Variants in NR6A1 observed in about 807,000 individuals in gnomAD.
NR6A1 encodes retinoic acid receptor-related testis-associated receptor.
A neutral mutation model predicts 59.1 loss-of-function variants in NR6A1; 7 were observed. The ratio of observed to expected loss-of-function variants is 0.12; its 90% CI spans 0.07 to 0.22. NR6A1 has a LOEUF of 0.22. Ranked by LOEUF, NR6A1 falls within the 10% of genes least tolerant of loss-of-function variation. The pLI, the probability that NR6A1 is intolerant of heterozygous loss-of-function variation, is 1.00. For synonymous variants in NR6A1, 243 were observed against 236.1 expected (o/e 1.03, Z -0.27); for missense variants, 468 against 611.6 (o/e 0.77, Z 2.48).
chr9:124,696,840 T>A (rs1178095696), intron 2 of NR6A1, among the ~76,000 whole-genome samples: 1 of 152,104 alleles, frequency 6.6e-6, no homozygotes, highest in Non-Finnish European at 1.5e-5. Flanking sequence ...GTATTTTTAG[T>A]AGAGACAGGA....
At chr9:124,651,561 G>GT (rs1411059320) in intron 2 of NR6A1, among the ~76,000 whole-genome samples, 2 of 152,182 alleles carry the variant, frequency 1.3e-5, no homozygotes, top group Non-Finnish European at 2.9e-5. Flanking sequence ...TACCATAGGG[G>GT]TTGGCCCCAC....
At chr9:124,553,675 T>C (rs1833849335) in intron 3 of NR6A1, among the ~76,000 whole-genome samples, 1 of 150,454 alleles carries the variant, frequency 6.6e-6, no homozygotes, top group Non-Finnish European at 1.5e-5. Flanking sequence ...TCCTATCAGA[T>C]GAGTTTCTTC....
rs543052506 is a variant in NR6A1, at chr9:124,605,995, A to G, written c.143-51425T>C. Among the ~76,000 whole-genome samples, 4 of 152,024 alleles carry G rather than the reference A, an allele frequency of 2.6e-5. 1 individual carries two copies. The South Asian group carries it at 8.3e-4, about 32-fold the overall frequency. On this transcript the variant is annotated intron_variant, in intron 2 of 9. Coordinates refer to ENST00000487099, the MANE Select transcript of NR6A1 (RefSeq NM_033334.4). Reference sequence around the variant, plus strand: ...TTTCTGCATCACCTTCCTGCAATCCATTCTCCATCCTGGCTGCTAAGACTC... The same window carrying G: ...TTTCTGCATCACCTTCCTGCAATCCGTTCTCCATCCTGGCTGCTAAGACTC...
chr9:124,576,021 G>T (rs1377381680), intron 2 of NR6A1, among the ~76,000 whole-genome samples: 2 of 152,116 alleles, frequency 1.3e-5, no homozygotes, highest in African/African-American at 4.8e-5. Flanking sequence ...TGCATGCCTG[G>T]GGCGTACTGG....
intron 2 of NR6A1, among the ~76,000 whole-genome samples, chr9:124,697,517 T>C (rs1324650222): frequency 6.6e-6 from 1 of 152,080 alleles, no homozygotes; most frequent in Non-Finnish European, 1.5e-5. Flanking sequence ...TATGTGTAAC[T>C]ACCTTGGTGA....
At chr9:124,767,790 A>G (rs564038018) in intron 1 of NR6A1, among the ~76,000 whole-genome samples, 1 of 152,246 alleles carries the variant, frequency 6.6e-6, no homozygotes, top group Non-Finnish European at 1.5e-5. Flanking sequence ...TTTCCTCTAA[A>G]GTGTAATTAC....
chr9:124,542,242 A>T (rs924950517), intron 4 of NR6A1, among the ~76,000 whole-genome samples: 1 of 152,276 alleles, frequency 6.6e-6, no homozygotes, highest in African/African-American at 2.4e-5. Context: ...AGAATTTGTA[A>T]GACATATATA....
chr9:124,666,412 G>A (rs1252239161), intron 2 of NR6A1, among the ~76,000 whole-genome samples: 2 of 151,394 alleles, frequency 1.3e-5, no homozygotes, highest in Admixed American at 6.6e-5. Context: ...CCAAGTAGCT[G>A]GGACCACAGG....
chr9:124,743,343 T>C (rs1036136749), intron 1 of NR6A1, among the ~76,000 whole-genome samples: 4 of 152,248 alleles, frequency 2.6e-5, no homozygotes, highest in South Asian at 4.1e-4. Context: ...CACAAGTCCA[T>C]ATAGCAAAAG....
At chr9:124,692,644 G>A in intron 2 of NR6A1, 1 of 277,760 alleles carries the variant, frequency 3.6e-6, no homozygotes, top group Non-Finnish European at 8.3e-6. Flanking sequence ...TCCCCCAAAT[G>A]TGGTCCAGTG....
chr9:124,657,534 A>T (rs1366390898), intron 2 of NR6A1, among the ~76,000 whole-genome samples: 1 of 152,262 alleles, frequency 6.6e-6, no homozygotes, highest in Non-Finnish European at 1.5e-5. Context: ...GTCAACTTGC[A>T]TTAAATAAAC....
chr9:124,757,232 G>A (rs1840658578), intron 1 of NR6A1, among the ~76,000 whole-genome samples: 1 of 151,844 alleles, frequency 6.6e-6, no homozygotes, highest in African/African-American at 2.4e-5. Flanking sequence ...CCCAAAATAA[G>A]CCAAGATAAA....
In NR6A1 at chr9:124,640,210, T is replaced by A. The variant is rs117720681; in HGVS notation, c.143-85640A>T. Among the ~76,000 whole-genome samples, 21 of 152,294 alleles carry A rather than the reference T, an allele frequency of 1.4e-4. No individual in the cohort carries two copies. The East Asian group carries it at 3.7e-3, about 27-fold the overall frequency. On this transcript the variant is annotated intron_variant, in intron 2 of 9. Coordinates refer to ENST00000487099, the MANE Select transcript of NR6A1 (RefSeq NM_033334.4). ...TTGCAAACTAGGTTTAAGAAAGATA[T>A]TTTTAGGATTTAGAGGGAATCTCCT... is the stretch of plus-strand genomic sequence containing the variant.
At chr9:124,566,277 G>C (rs1332600757) in intron 2 of NR6A1, among the ~76,000 whole-genome samples, 1 of 152,220 alleles carries the variant, frequency 6.6e-6, no homozygotes, top group Non-Finnish European at 1.5e-5. Flanking sequence ...CGGTGGTAGG[G>C]AGAAGCTTCT....
At chr9:124,558,522 A>G (rs890749256) in intron 2 of NR6A1, among the ~76,000 whole-genome samples, 1 of 152,152 alleles carries the variant, frequency 6.6e-6, no homozygotes, top group East Asian at 1.9e-4. Flanking sequence ...CCAGTATGTG[A>G]AAAATAACAA....
intron 2 of NR6A1, among the ~76,000 whole-genome samples, chr9:124,703,406 CTA>C (rs1467092613): frequency 6.6e-6 from 1 of 151,056 alleles, no homozygotes; most frequent in Non-Finnish European, 1.5e-5. Context: ...GTAACAGGCT[CTA>C]TGTTACCCAG....
intron 1 of NR6A1, 100 bp downstream of exon 1, chr9:124,770,920 G>T: frequency 1.5e-6 from 1 of 678,740 alleles, no homozygotes; most frequent in Non-Finnish European, 2.1e-6. Context: ...GGCCGCTGCG[G>T]CTTCCCAGGG....
At chr9:124,603,225 G>A (rs558684942) in intron 2 of NR6A1, among the ~76,000 whole-genome samples, 1 of 152,286 alleles carries the variant, frequency 6.6e-6, no homozygotes, top group African/African-American at 2.4e-5. Flanking sequence ...GCCCAGGGCT[G>A]TCTTCAGTTT....
chr9:124,627,374 C>T (rs192553349), intron 2 of NR6A1, among the ~76,000 whole-genome samples: 5 of 152,232 alleles, frequency 3.3e-5, no homozygotes, highest in Admixed American at 3.3e-4. Context: ...CCTTTATTTC[C>T]ATACCATTTT....
Sources: gnomAD v4.1 joint callset for allele counts (sites outside exome capture counted in the v4.1 genomes callset) on GRCh38, gnomAD v4.1.1 for gene constraint, MANE v1.5 for transcripts, NCBI Gene and HGNC (gene_info 2026-07-23, HGNC 2026-07-21) for gene names.